Variants in SLC41A2 observed in about 807,000 individuals in gnomAD.
The protein encoded by SLC41A2 is solute carrier family 41 member 2, also known as SLC41A1-like 1.
A neutral mutation model predicts 58.3 loss-of-function variants in SLC41A2; 32 were observed. That is an observed-to-expected ratio of 0.55 (90% confidence interval 0.41 to 0.74). The LOEUF is 0.74. Ranked by LOEUF, SLC41A2 falls within the 30% of genes least tolerant of loss-of-function variation. SLC41A2 has a pLI of 0.00. For missense variants in SLC41A2, 514 were observed against 680.6 expected (o/e 0.76, Z 2.72); for synonymous variants, 190 against 235.0 (o/e 0.81, Z 1.75).
chr12:104,914,431 T>C (rs534708516), intron 2 of SLC41A2, among the ~76,000 whole-genome samples: 46 of 152,340 alleles, frequency 3.0e-4, no homozygotes, highest in South Asian at 2.3e-3. Flanking sequence ...TATTGATTTT[T>C]GTGTGACTCT....
chr12:104,881,375 C>G (rs1438976723), intron 6 of SLC41A2, among the ~76,000 whole-genome samples: 3 of 152,136 alleles, frequency 2.0e-5, no homozygotes, highest in South Asian at 4.1e-4. Flanking sequence ...AATGTGTTTG[C>G]TCTTGCTTCT....
At chr12:104,911,692 G>A (rs1326877701) in intron 2 of SLC41A2, among the ~76,000 whole-genome samples, 3 of 152,138 alleles carry the variant, frequency 2.0e-5, no homozygotes, top group Non-Finnish European at 2.9e-5. Context: ...GAACTGGGGG[G>A]CCTAAAGAGA....
In SLC41A2 at chr12:104,815,429, T is replaced by C. The variant is rs1008103496; in HGVS notation, c.1537-10092A>G. 9.8e-5 allele frequency among the ~76,000 whole-genome samples: 15 copies of C among 152,298 alleles called. 1 individual carries two copies. The highest frequency in any genetic ancestry group is 1.7e-4 in the African/African-American group (7 of 41,564). ...GCTAATTATGCATGTTCTAAATATA[T>C]TTCTTGGAATTTAAATAAATATATA... On this transcript the variant is annotated intron_variant, in intron 10 of 10. Transcript: ENST00000258538.
intron 8 of SLC41A2, among the ~76,000 whole-genome samples, chr12:104,847,903 A>G (rs1220468293): frequency 1.3e-5 from 2 of 152,234 alleles, no homozygotes; most frequent in African/African-American, 4.8e-5. Flanking sequence ...CACAGTTTTA[A>G]GAACCTATTA....
rs2040826800 is a variant in SLC41A2 at position 104,804,605 on chromosome 12, G to A, written c.*547C>T. On this transcript the variant is annotated 3_prime_UTR_variant, in exon 11 of 11. Coordinates refer to ENST00000258538, the MANE Select transcript of SLC41A2 (RefSeq NM_001352171.3). ...TAATTTTAGATGGAGGTAAAAGTGAGTTTATCTTATGCTCAGCAAAACATA... is the reference window on the plus strand; with the variant it reads ...TAATTTTAGATGGAGGTAAAAGTGAATTTATCTTATGCTCAGCAAAACATA... 6.6e-6 allele frequency: 1 copy of A among 152,282 alleles called. No individual in the cohort carries two copies. The highest frequency in any genetic ancestry group is 1.5e-5 in the Non-Finnish European group (1 of 68,066). 9.4% of individuals were successfully genotyped at this position (152,282 alleles called of 1,614,324 possible).
intron 8 of SLC41A2, among the ~76,000 whole-genome samples, chr12:104,856,229 A>C (rs2043015865): frequency 6.6e-6 from 1 of 152,222 alleles, no homozygotes. Context: ...GAATACAAAG[A>C]GACAGGTAGA....
At chr12:104,841,318 C>G (rs1031314307) in intron 10 of SLC41A2, among the ~76,000 whole-genome samples, 2 of 113,066 alleles carry the variant, frequency 1.8e-5, no homozygotes, top group African/African-American at 6.0e-5. Flanking sequence ...AATAAAAAAT[C>G]TAGGTTTTTT....
intron 10 of SLC41A2, among the ~76,000 whole-genome samples, chr12:104,816,902 TA>T (rs1446665470): frequency 6.6e-6 from 1 of 152,168 alleles, no homozygotes; most frequent in East Asian, 1.9e-4. Flanking sequence ...GTCCTTTACA[TA>T]AAATGGTGTA....
intron 8 of SLC41A2, among the ~76,000 whole-genome samples, chr12:104,859,150 A>C (rs1055651693): frequency 3.3e-5 from 5 of 152,200 alleles, no homozygotes; most frequent in African/African-American, 1.2e-4. Context: ...AAACCTAGTT[A>C]GAATGATAAT....
At chr12:104,820,203 T>C (rs764164540) in intron 10 of SLC41A2, among the ~76,000 whole-genome samples, 4 of 152,240 alleles carry the variant, frequency 2.6e-5, no homozygotes, top group Non-Finnish European at 4.4e-5. Context: ...TGGTGGGTCA[T>C]CCCTGTAATC....
chr12:104,855,128 T>C (rs1170572122), intron 8 of SLC41A2, among the ~76,000 whole-genome samples: 1 of 152,230 alleles, frequency 6.6e-6, no homozygotes, highest in African/African-American at 2.4e-5. Context: ...CTAAGTGTCA[T>C]TCTAATTCTT....
chr12:104,932,624 C>CAAAAAAAAAAAAAAAAAAAAAAAA (rs544329617), intron 1 of SLC41A2, among the ~76,000 whole-genome samples: 2 of 46,064 alleles, frequency 4.3e-5, no homozygotes, highest in African/African-American at 8.7e-5. Context: ...GACTTTGTCT[C>CAAAAAAAAAAAAAAAAAAAAAAAA]AAAAAAAAAA....
At chr12:104,833,489 C>G (rs2042108496) in intron 10 of SLC41A2, among the ~76,000 whole-genome samples, 1 of 152,132 alleles carries the variant, frequency 6.6e-6, no homozygotes, top group Non-Finnish European at 1.5e-5. Flanking sequence ...CAGTATAACT[C>G]CATTACAATA....
At position 104,802,482 on chromosome 12, in the gene SLC41A2, C is replaced by T. The variant is rs2040735541; in HGVS notation, c.*2670G>A. ...TGACTAATGTTTTTATTTTTTTCTC[C>T]TGTTACATGCCTTTTAGACATTTGG... On this transcript the variant is annotated 3_prime_UTR_variant, in exon 11 of 11. Transcript: ENST00000258538. 6.6e-6 allele frequency: 1 copy of T among 151,924 alleles called. No homozygotes were observed. Among genetic ancestry groups the T allele is most frequent in the African/African-American group, 2.4e-5 (1 of 41,378 alleles). The allele number at this position is 151,924 out of a possible 1,614,324, so 9.4% of individuals were successfully genotyped here. A position where few individuals can be genotyped will look rare whatever the true frequency, so the allele number is the denominator to read the frequency against.
intron 10 of SLC41A2, among the ~76,000 whole-genome samples, chr12:104,828,242 C>G (rs948240710): frequency 6.6e-6 from 1 of 152,194 alleles, no homozygotes; most frequent in Non-Finnish European, 1.5e-5. Flanking sequence ...GGCTGGGGCA[C>G]TTGGAGGAGA....
intron 10 of SLC41A2, among the ~76,000 whole-genome samples, chr12:104,812,769 C>T (rs866412525): frequency 6.6e-6 from 1 of 151,680 alleles, no homozygotes. Context: ...ACCAGGTCTC[C>T]ATGATAAAGG....
In SLC41A2 at chr12:104,803,682, C is replaced by A. The variant is rs1382914222; in HGVS notation, c.*1470G>T. On this transcript the variant is annotated 3_prime_UTR_variant, in exon 11 of 11. Coordinates refer to ENST00000258538, the MANE Select transcript of SLC41A2 (RefSeq NM_001352171.3). ...ACCACATGTACTTTAAAAATGGTTA[C>A]CTATTCAATAACTAAGGTGTTGGTC... 1.3e-5 allele frequency: 2 copies of A among 152,002 alleles called. No homozygotes were observed. Among genetic ancestry groups the A allele is most frequent in the African/African-American group, 4.8e-5 (2 of 41,408 alleles). 9.4% of individuals were successfully genotyped at this position (152,002 alleles called of 1,614,324 possible). A position where few individuals can be genotyped will look rare whatever the true frequency, so the allele number is the denominator to read the frequency against.
At chr12:104,879,747 T>C (rs1162920951) in intron 6 of SLC41A2, among the ~76,000 whole-genome samples, 1 of 152,172 alleles carries the variant, frequency 6.6e-6, no homozygotes, top group Non-Finnish European at 1.5e-5. Flanking sequence ...CCAGCTTTGT[T>C]CTTTTGGCTT....
At chr12:104,885,217 A>G (rs1476123008) in intron 6 of SLC41A2, among the ~76,000 whole-genome samples, 1 of 152,230 alleles carries the variant, frequency 6.6e-6, no homozygotes, top group Non-Finnish European at 1.5e-5. Context: ...ATGCAACCTT[A>G]TCTTCTAAAT....
Sources: gnomAD v4.1 joint callset for allele counts (sites outside exome capture counted in the v4.1 genomes callset) on GRCh38, gnomAD v4.1.1 for gene constraint, MANE v1.5 for transcripts, NCBI Gene and HGNC (gene_info 2026-07-23, HGNC 2026-07-21) for gene names.